The following USP1 variants were observed in gnomAD, a reference collection of about 807,000 sequenced individuals.
USP1 encodes ubiquitin carboxyl-terminal hydrolase 1.
USP1 carries 18 observed loss-of-function variants against 72.2 expected under a neutral mutation model. The ratio of observed to expected loss-of-function variants is 0.25; its 90% CI spans 0.17 to 0.37. The LOEUF is 0.37. Ranked by LOEUF, USP1 falls within the 10% of genes least tolerant of loss-of-function variation. The pLI is 1.00. For missense variants in USP1, 759 were observed against 884.9 expected (o/e 0.86, Z 1.81); for synonymous variants, 354 against 303.7 (o/e 1.17, Z -1.72).
chr1:62,443,305 G>T lies in USP1; in HGVS notation c.543G>T (p.Leu181=). The change falls in exon 5 of 9, where the codon CTG becomes CTT. Residue 181 remains leucine, a synonymous_variant. Coordinates refer to ENST00000339950, the MANE Select transcript of USP1 (RefSeq NM_003368.5). Reference sequence around the variant, plus strand: ...AACTTGCCACTCAGCCAAGGCGACTGCTTAACACACTGAGGTATAGCCTAT... The same window carrying T: ...AACTTGCCACTCAGCCAAGGCGACTTCTTAACACACTGAGGTATAGCCTAT... ...TDELATQPRR[L]LNTLRELNPM... The T allele has an allele frequency of 6.2e-7, 1 of 1,611,766 alleles. No individual in the cohort carries two copies. The highest frequency in any genetic ancestry group is 1.3e-5 in the African/African-American group (1 of 74,830).
At chr1:62,442,413 GT>G in intron 4 of USP1, 114 bp downstream of exon 4, 1 of 725,072 alleles carries the variant, frequency 1.4e-6, no homozygotes, top group Non-Finnish European at 2.2e-6. Flanking sequence ...TTATTTCTCT[GT>G]TAGCGAGCTA....
In USP1 at chr1:62,443,206, T is replaced by C; in HGVS notation, c.444T>C (p.Ser148=). 1 of 1,613,884 alleles carries C rather than the reference T, an allele frequency of 6.2e-7. No homozygotes were observed. The highest frequency in any genetic ancestry group is 1.1e-5 in the South Asian group (1 of 90,982). The change falls in exon 5 of 9, where the codon AGT becomes AGC. Residue 148 remains serine, a synonymous_variant. Transcript: ENST00000339950. ...TGGCAAGTTATGAATTGATATGCAG[T>C]TTACAGTCCTTAATCATTTCGGTTG... ...DSLASYELIC[S]LQSLIISVEQ... is the part of the protein sequence containing the mutation.
chr1:62,441,850 A>G (rs1003640532), intron 3 of USP1, among the ~76,000 whole-genome samples: 4 of 152,246 alleles, frequency 2.6e-5, no homozygotes, highest in Middle Eastern at 3.2e-3. Flanking sequence ...TGGAAGGTCA[A>G]ACCTTTAATT....
At chr1:62,448,119 A>T (rs1047836269) in intron 7 of USP1, among the ~76,000 whole-genome samples, 1 of 152,176 alleles carries the variant, frequency 6.6e-6, no homozygotes, top group Non-Finnish European at 1.5e-5. Flanking sequence ...TAATTGAGCC[A>T]CTGTTGTGTC....
At chr1:62,446,243 G>A (rs1175623649) in intron 6 of USP1, among the ~76,000 whole-genome samples, 1 of 151,944 alleles carries the variant, frequency 6.6e-6, no homozygotes, top group African/African-American at 2.4e-5. Flanking sequence ...AGCCTATATG[G>A]TATAGACCAG....
chr1:62,437,632 C>T (rs1645099939), intron 1 of USP1, among the ~76,000 whole-genome samples: 6 of 151,796 alleles, frequency 4.0e-5, no homozygotes, highest in Admixed American at 3.9e-4. Flanking sequence ...CGAGGGCGCC[C>T]GGCGCGGGGG....
chr1:62,445,072 A>G lies in USP1; in HGVS notation c.892A>G (p.Arg298Gly). The G allele has an allele frequency of 1.2e-6, 2 of 1,611,976 alleles. No homozygotes were observed. Among genetic ancestry groups the G allele is most frequent in the Non-Finnish European group, 1.7e-6 (2 of 1,179,568 alleles). The change falls in exon 6 of 9, where the codon AGA (arginine) becomes GGA (glycine). Residue 298 changes from arginine (R) to glycine (G), a missense_variant. Physicochemically the swap from Arg to Gly is moderately radical, Grantham distance 125. This residue lies in a region of USP1 where 245 missense variants were observed against 240.7 expected (regional missense o/e 1.02). Coordinates refer to ENST00000339950, the MANE Select transcript of USP1 (RefSeq NM_003368.5). ...KEHQSLEENQ[R>G]QTRSKRKATS... is the part of the protein sequence containing the mutation. ...ACACCAGTCATTGGAAGAGAACCAG[A>G]GACAAACTAGATCAAAAAGAAAAGC...
At chr1:62,436,513 G>C (rs1341039278), upstream of USP1, 1 of 152,174 alleles carries the variant, frequency 6.6e-6, no homozygotes, top group African/African-American at 2.4e-5. Context: ...CTTCTTTTTT[G>C]CTATTAGATG....
intron 5 of USP1, 97 bp downstream of exon 5, chr1:62,443,416 G>A: frequency 7.9e-7 from 1 of 1,266,686 alleles, no homozygotes; most frequent in Non-Finnish European, 1.0e-6. Context: ...AAAGGGCAAG[G>A]AAAGTAGAAA....
chr1:62,448,721 GTC>G, intron 8 of USP1, 55 bp downstream of exon 8: 1 of 1,541,436 alleles, frequency 6.5e-7, no homozygotes, highest in Non-Finnish European at 8.9e-7. Context: ...TAGAAGATAA[GTC>G]TTGTTCAAAA....
chr1:62,447,879 T>A (rs1304275346), intron 7 of USP1, among the ~76,000 whole-genome samples: 3 of 152,126 alleles, frequency 2.0e-5, no homozygotes, highest in Non-Finnish European at 4.4e-5. Flanking sequence ...CTCCGCCTTC[T>A]GGGTTCATGC....
intron 1 of USP1, among the ~76,000 whole-genome samples, chr1:62,437,655 A>G (rs1464060441): frequency 6.6e-6 from 1 of 152,118 alleles, no homozygotes; most frequent in Non-Finnish European, 1.5e-5. Flanking sequence ...TGGGCCGAGG[A>G]CGCCGCCGCC....
chr1:62,441,626 C>T lies in USP1; in HGVS notation c.291+18C>T. ...TACTTCAGGTAAATTGACAATTTTG[C>T]TATATCATAAAGCTTTAGTAGGCAA... is the stretch of plus-strand genomic sequence containing the variant. On this transcript the variant is annotated intron_variant, in intron 3 of 8. Transcript: ENST00000339950. 1.9e-6 allele frequency: 3 copies of T among 1,600,970 alleles called. No homozygotes were observed. Among genetic ancestry groups the T allele is most frequent in the African/African-American group, 1.3e-5 (1 of 74,312 alleles).
In USP1 at chr1:62,445,158, G is replaced by A; in HGVS notation, c.978G>A (p.Glu326=). The change falls in exon 6 of 9, where the codon GAG becomes GAA. Residue 326 remains glutamate, a synonymous_variant. Transcript: ENST00000339950. ...KIIPKYISEN[E]SPRPSQKKSR... is the part of the protein sequence containing the mutation. ...TTCCCAAGTATATTTCTGAAAATGA[G>A]AGTCCAAGACCCTCACAAAAGAAAT... 1 of 1,613,478 alleles carries A rather than the reference G, an allele frequency of 6.2e-7. No homozygotes were observed. The highest frequency in any genetic ancestry group is 2.2e-5 in the East Asian group (1 of 44,810).
chr1:62,445,558 T>A, intron 6 of USP1, 129 bp downstream of exon 6: 3 of 826,892 alleles, frequency 3.6e-6, no homozygotes, highest in South Asian at 2.3e-5. Flanking sequence ...AATTTAACAC[T>A]GAATGTGAAC....
intron 1 of USP1, among the ~76,000 whole-genome samples, chr1:62,438,327 T>G (rs995070804): frequency 6.6e-6 from 1 of 152,056 alleles, no homozygotes; most frequent in Non-Finnish European, 1.5e-5. Context: ...TTAGCGCAGG[T>G]TGGTTTATCA....
upstream of USP1, chr1:62,436,721 A>G (rs903963876): frequency 6.2e-6 from 1 of 162,310 alleles, no homozygotes; most frequent in African/African-American, 2.4e-5. Context: ...ACTCGCGCGC[A>G]CGAATGGTTA....
At position 62,443,230 on chromosome 1, in the gene USP1, T is replaced by C; in HGVS notation, c.468T>C (p.Val156=). ...ICSLQSLIIS[V]EQLQASFLLN... ...GTTTACAGTCCTTAATCATTTCGGT[T>C]GAACAGCTCCAGGCTAGTTTTCTCT... Residue 156 remains valine (V), a synonymous_variant, in exon 5 of 9, where the codon GTT becomes GTC. Transcript: ENST00000339950. The C allele has an allele frequency of 6.2e-7, 1 of 1,614,106 alleles. No individual in the cohort carries two copies. The highest frequency in any genetic ancestry group is 1.3e-5 in the African/African-American group (1 of 75,058).
chr1:62,450,403 T>A lies in USP1; in HGVS notation c.1780T>A (p.Tyr594Asn). 1 of 1,614,140 alleles carries A rather than the reference T, an allele frequency of 6.2e-7. No homozygotes were observed. Among genetic ancestry groups the A allele is most frequent in the Non-Finnish European group, 8.5e-7 (1 of 1,180,016 alleles). Residue 594 changes from tyrosine to asparagine, a missense_variant, in exon 9 of 9, where the codon TAC (tyrosine) becomes AAC (asparagine). Transcript: ENST00000339950. ...HSGITISSGH[Y>N]TASVKVTDLN... Reference sequence around the variant, plus strand: ...TGGCATTACAATTAGTAGTGGGCATTACACTGCTTCTGTTAAAGTCACTGA... The same window carrying A: ...TGGCATTACAATTAGTAGTGGGCATAACACTGCTTCTGTTAAAGTCACTGA...
Sources: allele counts gnomAD v4.1 joint callset (sites outside exome capture counted in the v4.1 genomes callset), GRCh38; gene constraint gnomAD v4.1.1; regional missense constraint gnomAD v4.1.1; transcripts MANE v1.5; gene names NCBI Gene and HGNC (gene_info 2026-07-23, HGNC 2026-07-21).